The following NCOA1 variants were observed in gnomAD, a reference collection of about 807,000 sequenced individuals.
NCOA1 encodes the protein Hin-2 protein.
Under a neutral mutation model 150.9 loss-of-function variants are expected in NCOA1, and 35 were observed. The ratio of observed to expected loss-of-function variants is 0.23; its 90% CI spans 0.18 to 0.31. The LOEUF is 0.31. NCOA1 is among the 10% of genes least tolerant of loss of function. NCOA1 has a pLI of 1.00. For missense variants in NCOA1, 1,491 were observed against 1,749.3 expected (o/e 0.85, Z 2.63); for synonymous variants, 590 against 630.0 (o/e 0.94, Z 0.95).
intron 2 of NCOA1, among the ~76,000 whole-genome samples, chr2:24,582,527 T>C (rs1432654867): frequency 6.6e-6 from 1 of 152,158 alleles, no homozygotes; most frequent in Non-Finnish European, 1.5e-5. Context: ...ATGACCATAC[T>C]ACCCAAAGCA....
intron 19 of NCOA1, among the ~76,000 whole-genome samples, chr2:24,747,327 C>CTATT (rs1663978889): frequency 8.3e-6 from 1 of 120,170 alleles, no homozygotes; most frequent in Non-Finnish European, 1.7e-5. Flanking sequence ...TTATTTTTCT[C>CTATT]TTTTTTTTTT....
intron 4 of NCOA1, among the ~76,000 whole-genome samples, chr2:24,657,224 G>GAAAGCAAA (rs78096895): frequency 0.15 from 22,964 of 152,092 alleles, 2,130 homozygotes; most frequent in Non-Finnish European, 0.21. Flanking sequence ...CTTAAGCAGG[G>GAAAGCAAA]ATGCTTTTGC....
chr2:24,761,113 GC>G (rs1249752639), intron 21 of NCOA1, among the ~76,000 whole-genome samples: 2 of 152,216 alleles, frequency 1.3e-5, no homozygotes, highest in Admixed American at 6.5e-5. Flanking sequence ...CTCCCAAAGT[GC>G]TGGGATTATA....
intron 3 of NCOA1, 32 bp from the exon 4 acceptor site, chr2:24,643,934 C>G (rs1312031934): frequency 6.6e-6 from 1 of 151,986 alleles, no homozygotes; most frequent in Non-Finnish European, 1.5e-5. Context: ...TCTAACGTCC[C>G]TTCTGCTTTT....
At position 24,541,201 on chromosome 2, in the gene NCOA1, A is replaced by G. The variant is rs574287979; in HGVS notation, c.-395-23094A>G. ...TCATGGGTGAAGTTGCTCAGGAAGA[A>G]TGAATATACTGTGAGACAAAATGAC... On this transcript the variant is annotated intron_variant, in intron 1 of 22. Coordinates refer to ENST00000348332, the MANE Select transcript of NCOA1 (RefSeq NM_003743.5). Among the ~76,000 whole-genome samples, 29 of 152,334 alleles carry G rather than the reference A, an allele frequency of 1.9e-4. No individual in the cohort carries two copies. The South Asian group carries it at 3.7e-3, about 20-fold the overall frequency.
chr2:24,521,809 A>G (rs1477089880), intron 1 of NCOA1, among the ~76,000 whole-genome samples: 1 of 152,010 alleles, frequency 6.6e-6, no homozygotes, highest in Non-Finnish European at 1.5e-5. Flanking sequence ...CCTCCCTACT[A>G]TTTTTCATAA....
chr2:24,654,742 G>T (rs374034623), intron 4 of NCOA1, among the ~76,000 whole-genome samples: 1 of 151,962 alleles, frequency 6.6e-6, no homozygotes, highest in African/African-American at 2.4e-5. Context: ...CTCTGAACTC[G>T]TCACTTACTC....
intron 1 of NCOA1, among the ~76,000 whole-genome samples, chr2:24,538,258 T>C (rs146963808): frequency 6.6e-6 from 1 of 152,310 alleles, no homozygotes; most frequent in East Asian, 1.9e-4. Flanking sequence ...CAAAGAACAG[T>C]CATATTCAAA....
intron 8 of NCOA1, among the ~76,000 whole-genome samples, chr2:24,690,219 G>T (rs1182714115): frequency 6.6e-6 from 1 of 152,122 alleles, no homozygotes; most frequent in Non-Finnish European, 1.5e-5. Flanking sequence ...CTTAGAACTT[G>T]CTAATAGCAG....
chr2:24,595,430 A>G (rs993711583), intron 3 of NCOA1, among the ~76,000 whole-genome samples: 1 of 152,126 alleles, frequency 6.6e-6, no homozygotes, highest in Non-Finnish European at 1.5e-5. Flanking sequence ...TTGAGATGAA[A>G]TATCTGTAGC....
intron 19 of NCOA1, among the ~76,000 whole-genome samples, chr2:24,744,533 G>C (rs1385622499): frequency 1.3e-5 from 2 of 152,212 alleles, no homozygotes; most frequent in Non-Finnish European, 2.9e-5. Flanking sequence ...TAGAGGACCA[G>C]GTTTTGTGTT....
intron 2 of NCOA1, among the ~76,000 whole-genome samples, chr2:24,570,174 A>C (rs1666689360): frequency 6.6e-6 from 1 of 151,030 alleles, no homozygotes; most frequent in Non-Finnish European, 1.5e-5. Flanking sequence ...AATGCCACTG[A>C]TTTATGATTT....
intron 17 of NCOA1, among the ~76,000 whole-genome samples, chr2:24,735,284 G>A (rs755360121): frequency 4.6e-5 from 7 of 152,108 alleles, no homozygotes; most frequent in Non-Finnish European, 1.0e-4. Context: ...AATACACCCA[G>A]TTTGTAATCT....
At position 24,683,679 on chromosome 2, in the gene NCOA1, G is replaced by A. The variant is rs941557711; in HGVS notation, c.532+551G>A. Among the ~76,000 whole-genome samples, 2 of 152,022 alleles carry A rather than the reference G, an allele frequency of 1.3e-5. 1 individual carries two copies. The highest frequency in any genetic ancestry group is 1.3e-4 in the Admixed American group (2 of 15,252). ...CAGGGCTGGGACCTTAGGAGTTAGG[G>A]GACTTTTTCTAATTCTTGTAAAGGC... is the stretch of plus-strand genomic sequence containing the variant. On this transcript the variant is annotated intron_variant, in intron 8 of 22. Transcript: ENST00000348332.
At chr2:24,744,188 T>G (rs969925289) in intron 19 of NCOA1, among the ~76,000 whole-genome samples, 1 of 152,230 alleles carries the variant, frequency 6.6e-6, no homozygotes, top group Non-Finnish European at 1.5e-5. Context: ...TGTTGCCACC[T>G]ATCATGAGTA....
At chr2:24,732,963 TC>T (rs1234103111) in intron 17 of NCOA1, among the ~76,000 whole-genome samples, 6 of 152,012 alleles carry the variant, frequency 3.9e-5, no homozygotes, top group African/African-American at 1.4e-4. Context: ...AAAAAATACT[TC>T]ACATGTCTGA....
At chr2:24,601,098 A>G (rs909840468) in intron 3 of NCOA1, among the ~76,000 whole-genome samples, 7 of 152,112 alleles carry the variant, frequency 4.6e-5, no homozygotes, top group South Asian at 2.1e-4. Context: ...ACACAGTTCT[A>G]TAGTTTTAGT....
At chr2:24,741,648 G>T in intron 18 of NCOA1, 136 bp from the exon 19 acceptor site, 1 of 938,200 alleles carries the variant, frequency 1.1e-6, no homozygotes, top group South Asian at 2.3e-5. Flanking sequence ...TTCCTTTTCT[G>T]TTTTAGTTTC....
chr2:24,652,059 C>G (rs1194970670), intron 4 of NCOA1, among the ~76,000 whole-genome samples: 1 of 151,982 alleles, frequency 6.6e-6, no homozygotes, highest in East Asian at 1.9e-4. Flanking sequence ...AAAAACATGG[C>G]CACATAAAAA....
Sources: allele counts gnomAD v4.1 joint callset (sites outside exome capture counted in the v4.1 genomes callset), GRCh38; gene constraint gnomAD v4.1.1; transcripts MANE v1.5; gene names NCBI Gene and HGNC (gene_info 2026-07-23, HGNC 2026-07-21).